FNBP1L: variants seen among roughly 807,000 people sequenced by gnomAD.
FNBP1L encodes formin binding protein 1 like.
In FNBP1L, 36 loss-of-function variants were observed where a neutral mutation model predicts 91.2. That is an observed-to-expected ratio of 0.39 (90% CI 0.30 to 0.52). FNBP1L has a LOEUF of 0.52. Ranked by LOEUF, FNBP1L falls within the 20% of genes least tolerant of loss-of-function variation. FNBP1L has a pLI of 0.66. For missense variants in FNBP1L, 571 were observed against 732.1 expected (o/e 0.78, Z 2.54); for synonymous variants, 242 against 237.0 (o/e 1.02, Z -0.19).
chr1:93,516,032 A>G (rs1671093333), intron 2 of FNBP1L, among the ~76,000 whole-genome samples: 2 of 152,194 alleles, frequency 1.3e-5, no homozygotes, highest in African/African-American at 4.8e-5. Context: ...AGTTATTGTT[A>G]AATCAGAAAC....
In FNBP1L at chr1:93,475,468, G is replaced by C. The variant is rs144628403; in HGVS notation, c.25-24000G>C. On this transcript the variant is annotated intron_variant, in intron 1 of 16. Coordinates refer to ENST00000271234, the MANE Select transcript of FNBP1L (RefSeq NM_001164473.3). ...GTGGGAGGATCACTTGAGCCTGGGA[G>C]GTCGAGGCTGCAGTGAGCTGTGGTT... Among the ~76,000 whole-genome samples the C allele has an allele frequency of 9.2e-3, 1,401 of 152,208 alleles. 20 individuals are homozygous for C. The highest frequency in any genetic ancestry group is 0.031 in the African/African-American group (1,287 of 41,504).
chr1:93,529,187 T>C (rs1401535031), intron 5 of FNBP1L, among the ~76,000 whole-genome samples: 1 of 151,984 alleles, frequency 6.6e-6, no homozygotes, highest in African/African-American at 2.4e-5. Flanking sequence ...CTCCTGAAGA[T>C]GAGGACTTAT....
intron 1 of FNBP1L, among the ~76,000 whole-genome samples, chr1:93,466,210 ATCCCCTTTG>A (rs1669073451): frequency 6.6e-6 from 1 of 151,828 alleles, no homozygotes; most frequent in East Asian, 1.9e-4. Context: ...GTTTAATTAG[ATCCCCTTTG>A]TCTATTTTGG....
At chr1:93,531,896 T>G (rs964832008) in intron 7 of FNBP1L, among the ~76,000 whole-genome samples, 2 of 152,090 alleles carry the variant, frequency 1.3e-5, no homozygotes, top group African/African-American at 4.8e-5. Context: ...AACAGCAAGG[T>G]CAGTGCTGGC....
intron 12 of FNBP1L, 49 bp downstream of exon 12, chr1:93,544,265 TTGAG>T: frequency 1.5e-6 from 2 of 1,314,560 alleles, no homozygotes; most frequent in Admixed American, 1.9e-5. Context: ...AGGATCTACT[TTGAG>T]TGACGCCCTT....
At chr1:93,508,263 T>C (rs1258139337) in intron 2 of FNBP1L, among the ~76,000 whole-genome samples, 1 of 151,962 alleles carries the variant, frequency 6.6e-6, no homozygotes, top group Non-Finnish European at 1.5e-5. Context: ...GGTGGGAGGA[T>C]TGCTTGACCC....
intron 12 of FNBP1L, among the ~76,000 whole-genome samples, chr1:93,545,317 G>A (rs984020827): frequency 2.6e-5 from 4 of 152,084 alleles, no homozygotes; most frequent in African/African-American, 7.2e-5. Context: ...ATGAGAATAC[G>A]AGCAAGAAGG....
chr1:93,479,372 T>C (rs1291092521), intron 1 of FNBP1L, among the ~76,000 whole-genome samples: 2 of 152,124 alleles, frequency 1.3e-5, no homozygotes, highest in Non-Finnish European at 1.5e-5. Context: ...CTGATGAGGG[T>C]GTGTGTTCAG....
chr1:93,546,479 T>C (rs1382401976), intron 12 of FNBP1L, among the ~76,000 whole-genome samples: 1 of 152,120 alleles, frequency 6.6e-6, no homozygotes, highest in Non-Finnish European at 1.5e-5. Flanking sequence ...TGGAATAGTG[T>C]GGCTGAGTTG....
At chr1:93,493,362 T>TA (rs925726523) in intron 1 of FNBP1L, among the ~76,000 whole-genome samples, 12 of 152,232 alleles carry the variant, frequency 7.9e-5, no homozygotes, top group Non-Finnish European at 1.0e-4. Flanking sequence ...AAGATTTTTT[T>TA]ACTGTGTAAA....
At chr1:93,480,344 C>G (rs747782384) in intron 1 of FNBP1L, among the ~76,000 whole-genome samples, 2 of 152,148 alleles carry the variant, frequency 1.3e-5, no homozygotes, top group Non-Finnish European at 2.9e-5. Flanking sequence ...CTTGCCATAG[C>G]GAGTGGAAAG....
intron 2 of FNBP1L, among the ~76,000 whole-genome samples, chr1:93,516,162 G>T (rs1486221183): frequency 1.3e-5 from 2 of 151,902 alleles, no homozygotes; most frequent in East Asian, 3.8e-4. Context: ...ACAGAGCATT[G>T]TGGGATTAAA....
At chr1:93,509,212 C>G (rs944226290) in intron 2 of FNBP1L, among the ~76,000 whole-genome samples, 2 of 152,194 alleles carry the variant, frequency 1.3e-5, no homozygotes, top group Admixed American at 1.3e-4. Context: ...TTTATTAACA[C>G]TCTTAATCAT....
At chr1:93,517,994 A>G (rs1671190506) in intron 2 of FNBP1L, among the ~76,000 whole-genome samples, 1 of 152,194 alleles carries the variant, frequency 6.6e-6, no homozygotes. Context: ...AGAGTTTAGC[A>G]TTAAGATTGG....
At chr1:93,529,269 C>G (rs1283738880) in intron 5 of FNBP1L, among the ~76,000 whole-genome samples, 1 of 151,766 alleles carries the variant, frequency 6.6e-6, no homozygotes, top group African/African-American at 2.4e-5. Flanking sequence ...CTCAGTCATG[C>G]CTATGTTATT....
At chr1:93,513,995 C>A (rs368908136) in intron 2 of FNBP1L, among the ~76,000 whole-genome samples, 6 of 151,888 alleles carry the variant, frequency 4.0e-5, no homozygotes, top group African/African-American at 1.2e-4. Flanking sequence ...TGTTTGCAGA[C>A]GACATGATTG....
chr1:93,515,538 G>A (rs1671062918), intron 2 of FNBP1L, among the ~76,000 whole-genome samples: 1 of 151,994 alleles, frequency 6.6e-6, no homozygotes, highest in Admixed American at 6.6e-5. Flanking sequence ...ATGATAGACT[G>A]GATTAAGAAA....
At chr1:93,478,144 A>G (rs1424031552) in intron 1 of FNBP1L, among the ~76,000 whole-genome samples, 1 of 152,196 alleles carries the variant, frequency 6.6e-6, no homozygotes. Flanking sequence ...AGTGAATAGG[A>G]GGAACTTTCC....
At chr1:93,538,191 A>T (rs1192653107) in intron 10 of FNBP1L, among the ~76,000 whole-genome samples, 4 of 151,912 alleles carry the variant, frequency 2.6e-5, no homozygotes, top group Non-Finnish European at 4.4e-5. Context: ...GTGTAATTCT[A>T]AGGAAAAAAA....
Sources: allele counts gnomAD v4.1 joint callset (sites outside exome capture counted in the v4.1 genomes callset), GRCh38; gene constraint gnomAD v4.1.1; transcripts MANE v1.5; gene names NCBI Gene and HGNC (gene_info 2026-07-23, HGNC 2026-07-21).